AK4: variants seen among roughly 807,000 people sequenced by gnomAD.
AK4 encodes adenylate kinase 4.
Under a neutral mutation model 24.6 loss-of-function variants are expected in AK4, and 13 were observed. The ratio of observed to expected loss-of-function variants is 0.53; its 90% CI spans 0.34 to 0.84. The LOEUF (loss-of-function observed/expected upper bound fraction) is 0.84. AK4 is among the 40% of genes least tolerant of loss of function. The probability of loss-of-function intolerance (pLI) is 0.01; values close to 1 mark genes in which losing one functional copy is unlikely to be tolerated. For missense variants in AK4, 192 were observed against 288.2 expected (o/e 0.67, Z 2.42); for synonymous variants, 88 against 107.0 (o/e 0.82, Z 1.10).
intron 2 of AK4, among the ~76,000 whole-genome samples, chr1:65,210,894 A>G (rs187029443): frequency 6.6e-6 from 1 of 152,332 alleles, no homozygotes; most frequent in East Asian, 1.9e-4. Context: ...AGGCACAGAG[A>G]GGTTAAGCAA....
chr1:65,169,266 T>G, intron 1 of AK4, among the ~76,000 whole-genome samples: 1 of 152,086 alleles, frequency 6.6e-6, no homozygotes, highest in Non-Finnish European at 1.5e-5. Flanking sequence ...GAACAACTCA[T>G]GACTGAATTT....
intron 1 of AK4, among the ~76,000 whole-genome samples, chr1:65,170,382 ACAC>A (rs1431045177): frequency 2.0e-5 from 3 of 149,514 alleles, no homozygotes; most frequent in Non-Finnish European, 4.4e-5. Flanking sequence ...ACACACACAC[ACAC>A]ACAAAAAAAA....
At chr1:65,203,329 T>C (rs1057490306) in intron 2 of AK4, among the ~76,000 whole-genome samples, 3 of 152,190 alleles carry the variant, frequency 2.0e-5, no homozygotes, top group Admixed American at 1.3e-4. Context: ...AGACATTTGA[T>C]ATTATTATTT....
chr1:65,223,514 A>T, intron 3 of AK4, among the ~76,000 whole-genome samples: 1 of 152,032 alleles, frequency 6.6e-6, no homozygotes, highest in Admixed American at 6.6e-5. Flanking sequence ...ATCACGTATG[A>T]TGAGAGTGGG....
At chr1:65,191,634 T>G (rs1363922475) in intron 2 of AK4, among the ~76,000 whole-genome samples, 1 of 151,170 alleles carries the variant, frequency 6.6e-6, no homozygotes, top group African/African-American at 2.4e-5. Context: ...CAAGCAGAGG[T>G]TGGCAGAGGA....
At position 65,226,139 on chromosome 1, in the gene AK4, A is replaced by G. The variant is rs1461985842; in HGVS notation, c.634A>G (p.Asn212Asp). 1 of 1,610,992 alleles carries G rather than the reference A, an allele frequency of 6.2e-7. No homozygotes were observed. The highest frequency in any genetic ancestry group is 1.1e-5 in the South Asian group (1 of 90,698). ...GCCCTACGTTTACACACTTTTCTCA[A>G]ACAAGATCACACCTATTCAGTCCAA... is the stretch of plus-strand genomic sequence containing the variant. ...IWPYVYTLFSNKITPIQSKEA... is the reference protein window; with the variant it reads ...IWPYVYTLFSDKITPIQSKEA... The change falls in exon 5 of 5, where the codon AAC (asparagine) becomes GAC (aspartate). Residue 212 changes from asparagine to aspartate, a missense_variant. Transcript: ENST00000327299.
chr1:65,167,447 A>G (rs1422620523), intron 1 of AK4, among the ~76,000 whole-genome samples: 4 of 151,418 alleles, frequency 2.6e-5, no homozygotes, highest in African/African-American at 9.8e-5. Context: ...TAGTTTTTCC[A>G]AAAGGGAGAT....
chr1:65,197,827 C>A (rs1208664535), intron 2 of AK4, among the ~76,000 whole-genome samples: 1 of 152,184 alleles, frequency 6.6e-6, no homozygotes, highest in African/African-American at 2.4e-5. Flanking sequence ...CCTTCTGATT[C>A]AGACCTCTGA....
chr1:65,152,336 CTCTCTCTCTCTCTCTCTCTCTCTCTA>C (rs1649803062), intron 1 of AK4, among the ~76,000 whole-genome samples: 1 of 40,156 alleles, frequency 2.5e-5, no homozygotes, highest in African/African-American at 1.2e-4. Context: ...CTCTCTCTCT[CTCTCTCTCTCTCTCTCTCTCTCTCTA>C]TATATATATA....
intron 2 of AK4, among the ~76,000 whole-genome samples, chr1:65,213,609 C>T (rs1351854969): frequency 2.0e-5 from 3 of 152,204 alleles, no homozygotes; most frequent in Non-Finnish European, 2.9e-5. Context: ...CAGCAGCAAC[C>T]GTTTATTAAT....
intron 2 of AK4, among the ~76,000 whole-genome samples, chr1:65,217,299 G>A (rs372708397): frequency 2.4e-4 from 37 of 152,132 alleles, no homozygotes; most frequent in East Asian, 2.3e-3. Context: ...CCAACTTCCT[G>A]CAGTAAGGAA....
At chr1:65,208,219 A>C (rs1651869290) in intron 2 of AK4, among the ~76,000 whole-genome samples, 1 of 152,194 alleles carries the variant, frequency 6.6e-6, no homozygotes, top group Non-Finnish European at 1.5e-5. Flanking sequence ...TTTTCGTAGT[A>C]GGACAGCTGC....
intron 3 of AK4, among the ~76,000 whole-genome samples, chr1:65,222,956 G>C (rs1345896783): frequency 1.3e-5 from 2 of 151,856 alleles, no homozygotes; most frequent in African/African-American, 4.8e-5. Context: ...AAGGAGGCAT[G>C]ATTCCTGGGG....
At chr1:65,217,376 C>G (rs971652100) in intron 2 of AK4, among the ~76,000 whole-genome samples, 1 of 152,126 alleles carries the variant, frequency 6.6e-6, no homozygotes, top group Non-Finnish European at 1.5e-5. Context: ...CATCTTGATA[C>G]TTCCAATTTT....
At chr1:65,184,048 G>A (rs1277963721) in intron 1 of AK4, among the ~76,000 whole-genome samples, 3 of 152,132 alleles carry the variant, frequency 2.0e-5, no homozygotes, top group Non-Finnish European at 4.4e-5. Flanking sequence ...TTAATGCACA[G>A]TTTAATAGTC....
At chr1:65,190,522 A>G (rs1651271817) in intron 1 of AK4, among the ~76,000 whole-genome samples, 188 bp from the exon 2 acceptor site, 1 of 152,044 alleles carries the variant, frequency 6.6e-6, no homozygotes, top group Non-Finnish European at 1.5e-5. Flanking sequence ...TGGGAGATAA[A>G]TGTGTTAAAT....
chr1:65,222,571 A>C (rs992667319), intron 3 of AK4, among the ~76,000 whole-genome samples: 1 of 152,166 alleles, frequency 6.6e-6, no homozygotes. Flanking sequence ...GATGCTCTGA[A>C]ATTCTGGAAA....
intron 2 of AK4, among the ~76,000 whole-genome samples, chr1:65,198,885 T>C (rs959836844): frequency 1.2e-4 from 18 of 151,904 alleles, no homozygotes; most frequent in African/African-American, 4.4e-4. Flanking sequence ...GAGACCAGCC[T>C]GGGCAACACG....
At position 65,226,175 on chromosome 1, in the gene AK4, T is replaced by G. The variant is rs1319459521; in HGVS notation, c.670T>G (p.Ter224GlyextTer30). ...ACCTATTCAGTCCAAAGAAGCATAT[T>G]GACCCTGCCCAATGGAAGAACCAGG... is the stretch of plus-strand genomic sequence containing the variant. Reference protein sequence around the residue: ...ITPIQSKEAY* With the variant: ...ITPIQSKEAYG Residue 224 changes from the stop codon to glycine (G), a stop_lost, in exon 5 of 5, where the codon TGA (stop) becomes GGA (glycine). Coordinates refer to ENST00000327299, the MANE Select transcript of AK4 (RefSeq NM_013410.4). The G allele has an allele frequency of 9.4e-6, 15 of 1,602,566 alleles. No homozygotes were observed. Among genetic ancestry groups the G allele is most frequent in the Admixed American group, 1.7e-5 (1 of 59,272 alleles).
Sources: gnomAD v4.1 joint callset for allele counts (sites outside exome capture counted in the v4.1 genomes callset) on GRCh38, gnomAD v4.1.1 for gene constraint, MANE v1.5 for transcripts, NCBI Gene and HGNC (gene_info 2026-07-23, HGNC 2026-07-21) for gene names.